Variants in TNFSF4 observed in about 807,000 individuals in gnomAD.
TNFSF4 encodes the protein TNF superfamily member 4.
Under a neutral mutation model 7.3 loss-of-function variants are expected in TNFSF4, and 4 were observed. The observed-to-expected ratio is 0.55, with a 90% CI of 0.27 to 1.25. The LOEUF is 1.25. Among genes scored for constraint, TNFSF4 ranks in the 50% most tolerant of loss-of-function variants. The pLI is 0.12. For synonymous variants in TNFSF4, 76 were observed against 83.7 expected (o/e 0.91, Z 0.50); for missense variants, 181 against 208.8 (o/e 0.87, Z 0.82).
the TNFSF4 span, among the ~76,000 whole-genome samples, chr1:173,390,287 C>G: frequency 0.64 from 96,954 of 151,942 alleles, 31,114 homozygotes; most frequent in Admixed American, 0.7. Context: ...CTGTTGCTGC[C>G]TTTGTAGGTC....
At chr1:173,447,148 T>C in the TNFSF4 span, among the ~76,000 whole-genome samples, 3 of 152,182 alleles carry the variant, frequency 2.0e-5, no homozygotes, top group Non-Finnish European at 4.4e-5. Flanking sequence ...GGATTATATA[T>C]TGTATGATTC....
the TNFSF4 span, among the ~76,000 whole-genome samples, chr1:173,316,685 A>G: frequency 6.6e-6 from 1 of 152,106 alleles, no homozygotes; most frequent in African/African-American, 2.4e-5. Flanking sequence ...AAATTACTAG[A>G]CAAAAAAATT....
the TNFSF4 span, among the ~76,000 whole-genome samples, chr1:173,385,094 T>C: frequency 6.6e-6 from 1 of 152,228 alleles, no homozygotes; most frequent in Non-Finnish European, 1.5e-5. Flanking sequence ...AAATGATTTT[T>C]CCCAGGCAGC....
chr1:173,347,063 A>T, the TNFSF4 span, among the ~76,000 whole-genome samples: 3 of 152,218 alleles, frequency 2.0e-5, no homozygotes, highest in Non-Finnish European at 4.4e-5. Flanking sequence ...CAGAGGAAAA[A>T]TAAGTTTTTT....
chr1:173,329,454 C>T, the TNFSF4 span, among the ~76,000 whole-genome samples: 2 of 152,090 alleles, frequency 1.3e-5, no homozygotes, highest in African/African-American at 4.8e-5. Context: ...TTGGTTGAAT[C>T]AACAGATGCA....
the TNFSF4 span, among the ~76,000 whole-genome samples, chr1:173,265,362 G>C: frequency 1.3e-5 from 2 of 152,096 alleles, no homozygotes; most frequent in African/African-American, 2.4e-5. Flanking sequence ...CCTAGGAAAG[G>C]CTCTACTTAT....
the TNFSF4 span, among the ~76,000 whole-genome samples, chr1:173,246,144 A>G: frequency 6.6e-6 from 1 of 152,068 alleles, no homozygotes; most frequent in Non-Finnish European, 1.5e-5. Context: ...AATTTGAGAA[A>G]CATCTATACT....
At chr1:173,173,794 C>G in the TNFSF4 span, among the ~76,000 whole-genome samples, 1 of 152,228 alleles carries the variant, frequency 6.6e-6, no homozygotes, top group African/African-American at 2.4e-5. Context: ...AGCAGGGGGG[C>G]CCTGGGCTGT....
the TNFSF4 span, among the ~76,000 whole-genome samples, chr1:173,228,042 C>A: frequency 6.6e-6 from 1 of 152,194 alleles, no homozygotes; most frequent in Non-Finnish European, 1.5e-5. Context: ...GCAGCAGAAA[C>A]CTCTGCAGAA....
the TNFSF4 span, among the ~76,000 whole-genome samples, chr1:173,274,650 A>C: frequency 6.6e-6 from 1 of 152,104 alleles, no homozygotes; most frequent in Non-Finnish European, 1.5e-5. Flanking sequence ...CTTTAAAAGC[A>C]GAGCGTTTTC....
the TNFSF4 span, among the ~76,000 whole-genome samples, chr1:173,390,737 C>CTTTTTTTTTTTTTTTTTTTTTTTTTTT: frequency 2.3e-5 from 3 of 131,600 alleles, no homozygotes; most frequent in Non-Finnish European, 3.1e-5. Flanking sequence ...CATTCTGCTT[C>CTTTTTTTTTTTTTTTTTTTTTTTTTTT]TTTTTTTTTT....
At chr1:173,175,419 T>C in the TNFSF4 span, 1 of 152,234 alleles carries the variant, frequency 6.6e-6, no homozygotes, top group Non-Finnish European at 1.5e-5. Context: ...ATTAATTTTG[T>C]TATAGGCCCT....
the TNFSF4 span, among the ~76,000 whole-genome samples, chr1:173,318,316 G>A: frequency 6.6e-6 from 1 of 150,422 alleles, no homozygotes; most frequent in East Asian, 1.9e-4. Context: ...GGCAGGTAAT[G>A]CCTGTAGTAG....
chr1:173,270,833 AC>A, the TNFSF4 span, among the ~76,000 whole-genome samples: 1 of 152,156 alleles, frequency 6.6e-6, no homozygotes, highest in African/African-American at 2.4e-5. Flanking sequence ...ATGAGGTGGC[AC>A]TAGAGTCATA....
the TNFSF4 span, among the ~76,000 whole-genome samples, chr1:173,231,581 G>A: frequency 6.6e-6 from 1 of 152,146 alleles, no homozygotes; most frequent in East Asian, 1.9e-4. Flanking sequence ...ACGTAGTGTT[G>A]GAAGTCCTGG....
At chr1:173,289,847 T>C in the TNFSF4 span, among the ~76,000 whole-genome samples, 1 of 150,670 alleles carries the variant, frequency 6.6e-6, no homozygotes, top group Non-Finnish European at 1.5e-5. Flanking sequence ...AGTACCAAGA[T>C]AGAAAAAAAT....
the TNFSF4 span, among the ~76,000 whole-genome samples, chr1:173,410,517 TG>T: frequency 6.6e-6 from 1 of 152,218 alleles, no homozygotes; most frequent in Non-Finnish European, 1.5e-5. Context: ...AAGTTGTAAA[TG>T]GGTGTCAAGA....
At chr1:173,173,254 C>T in the TNFSF4 span, among the ~76,000 whole-genome samples, 1 of 152,212 alleles carries the variant, frequency 6.6e-6, no homozygotes, top group African/African-American at 2.4e-5. Flanking sequence ...ACAATTATGC[C>T]TTCCCAACAG....
At chr1:173,358,004 T>C in the TNFSF4 span, among the ~76,000 whole-genome samples, 17 of 151,506 alleles carry the variant, frequency 1.1e-4, no homozygotes, top group Non-Finnish European at 1.6e-4. Flanking sequence ...AGTTGCATGA[T>C]AAAGGAATCT....
Sources: allele counts gnomAD v4.1 joint callset (sites outside exome capture counted in the v4.1 genomes callset), GRCh38; gene constraint gnomAD v4.1.1; transcripts MANE v1.5; gene names NCBI Gene and HGNC (gene_info 2026-07-23, HGNC 2026-07-21).